CERS6: variants seen among roughly 807,000 people sequenced by gnomAD.
CERS6 encodes LAG1 homolog, ceramide synthase 6.
In CERS6, 26 loss-of-function variants were observed where a neutral mutation model predicts 56.8. That is an observed-to-expected ratio of 0.46 (90% CI 0.34 to 0.63). The LOEUF (loss-of-function observed/expected upper bound fraction) is 0.63. Ranked by LOEUF, CERS6 falls within the 30% of genes least tolerant of loss-of-function variation. CERS6 has a pLI of 0.01. For missense variants in CERS6, 415 were observed against 467.5 expected (o/e 0.89, Z 1.04); for synonymous variants, 164 against 173.3 (o/e 0.95, Z 0.42).
intron 8 of CERS6, among the ~76,000 whole-genome samples, chr2:168,753,239 T>G (rs1279043550): frequency 6.6e-6 from 1 of 152,188 alleles, no homozygotes; most frequent in Non-Finnish European, 1.5e-5. Context: ...TACTGTCAGT[T>G]CTCTGAGTAA....
intron 5 of CERS6, among the ~76,000 whole-genome samples, chr2:168,691,874 C>T (rs1324751316): frequency 2.0e-5 from 3 of 152,174 alleles, no homozygotes; most frequent in Non-Finnish European, 4.4e-5. Context: ...ACATATTAAA[C>T]ATTATAATAA....
At chr2:168,484,103 T>C (rs796132217) in intron 1 of CERS6, among the ~76,000 whole-genome samples, 7 of 151,614 alleles carry the variant, frequency 4.6e-5, no homozygotes, top group Admixed American at 1.3e-4. Context: ...TACATGTCAC[T>C]GAATACAACA....
At chr2:168,749,969 G>T (rs999287537) in intron 8 of CERS6, among the ~76,000 whole-genome samples, 2 of 152,328 alleles carry the variant, frequency 1.3e-5, no homozygotes, top group South Asian at 4.1e-4. Flanking sequence ...ACATTAAGGG[G>T]CAGTTTATGC....
At chr2:168,718,780 G>A (rs951971424) in intron 8 of CERS6, among the ~76,000 whole-genome samples, 4 of 152,194 alleles carry the variant, frequency 2.6e-5, no homozygotes, top group African/African-American at 9.7e-5. Flanking sequence ...CTAACTGTTA[G>A]ATCGTCATGC....
At chr2:168,677,385 A>G (rs150060204) in intron 4 of CERS6, among the ~76,000 whole-genome samples, 47 of 152,252 alleles carry the variant, frequency 3.1e-4, no homozygotes, top group Middle Eastern at 3.4e-3. Flanking sequence ...TCCATGGTCT[A>G]TATGTGCCAC....
chr2:168,466,203 A>G (rs1351704370), intron 1 of CERS6, among the ~76,000 whole-genome samples: 1 of 152,152 alleles, frequency 6.6e-6, no homozygotes, highest in Non-Finnish European at 1.5e-5. Context: ...CCATTTGTTA[A>G]TATGACAACT....
At chr2:168,676,623 C>T (rs1242817969) in intron 4 of CERS6, among the ~76,000 whole-genome samples, 2 of 152,158 alleles carry the variant, frequency 1.3e-5, no homozygotes, top group Admixed American at 1.3e-4. Context: ...GAGAAAATGT[C>T]TACAAGTACT....
intron 8 of CERS6, among the ~76,000 whole-genome samples, chr2:168,736,989 G>A (rs537346752): frequency 1.3e-5 from 2 of 152,310 alleles, no homozygotes; most frequent in South Asian, 2.1e-4. Flanking sequence ...GATTTGTCTA[G>A]AATTTGTGCT....
intron 1 of CERS6, among the ~76,000 whole-genome samples, chr2:168,465,762 A>G (rs1693859403): frequency 6.6e-6 from 1 of 152,152 alleles, no homozygotes; most frequent in South Asian, 2.1e-4. Flanking sequence ...GCAAGATGGA[A>G]AGAGTCCTGC....
In CERS6 at chr2:168,631,003, C is replaced by A; in HGVS notation, c.426C>A (p.Tyr142Ter). ...TCTACAGGTGGAGATTTTCATTTTA[C>A]CTTTATGTATTTACCTACGGAGTCA... ...FCESMWRFSF[Y>*]LYVFTYGVRF... Residue 142 changes from tyrosine to a stop codon, truncating the protein, a stop_gained, in exon 4 of 10, where the codon TAC becomes TAA. Transcript: ENST00000305747. LOFTEE classifies it high-confidence loss of function. 6.6e-7 allele frequency: 1 copy of A among 1,526,490 alleles called. No homozygotes were observed. Among genetic ancestry groups the A allele is most frequent in the Non-Finnish European group, 8.9e-7 (1 of 1,119,694 alleles). The allele number at this position is 1,526,490 out of a possible 1,614,324, so 94.6% of individuals were successfully genotyped here. A position where few individuals can be genotyped will look rare whatever the true frequency, so the allele number is the denominator to read the frequency against.
chr2:168,522,400 A>T (rs1574040761), intron 1 of CERS6, among the ~76,000 whole-genome samples: 1 of 152,206 alleles, frequency 6.6e-6, no homozygotes, highest in African/African-American at 2.4e-5. Context: ...AACATTAAAA[A>T]TTTTTTTCTC....
chr2:168,533,117 A>C (rs1047108031), intron 1 of CERS6, among the ~76,000 whole-genome samples: 3 of 152,226 alleles, frequency 2.0e-5, no homozygotes, highest in African/African-American at 7.2e-5. Flanking sequence ...TACCTACACA[A>C]GTGGAATATT....
chr2:168,548,259 A>G (rs1301200600), intron 2 of CERS6, among the ~76,000 whole-genome samples: 2 of 152,146 alleles, frequency 1.3e-5, no homozygotes, highest in Non-Finnish European at 2.9e-5. Context: ...GGAGAATAAA[A>G]GGGAGGAGAT....
chr2:168,534,698 C>T (rs781317425), intron 1 of CERS6, among the ~76,000 whole-genome samples: 9 of 152,178 alleles, frequency 5.9e-5, no homozygotes, highest in Non-Finnish European at 1.3e-4. Context: ...GACGGTCTCA[C>T]CCTGTTGGGT....
chr2:168,547,542 C>A, intron 1 of CERS6, 54 bp from the exon 2 acceptor site: 2 of 962,946 alleles, frequency 2.1e-6, no homozygotes. Flanking sequence ...CATTAAGAAT[C>A]ACATAGAAAG....
At chr2:168,458,989 A>G (rs1693729265) in intron 1 of CERS6, among the ~76,000 whole-genome samples, 2 of 152,258 alleles carry the variant, frequency 1.3e-5, no homozygotes, top group Admixed American at 6.5e-5. Flanking sequence ...TATCACTGCT[A>G]CAACTCACAT....
chr2:168,589,231 T>G (rs1683617078), intron 3 of CERS6, among the ~76,000 whole-genome samples: 1 of 152,236 alleles, frequency 6.6e-6, no homozygotes, highest in African/African-American at 2.4e-5. Context: ...CCTTCCTTCC[T>G]TCCTTCTCTC....
intron 3 of CERS6, among the ~76,000 whole-genome samples, chr2:168,578,969 T>C (rs763397843): frequency 6.6e-6 from 1 of 152,116 alleles, no homozygotes; most frequent in Non-Finnish European, 1.5e-5. Context: ...AGTTTTAATC[T>C]GAACAAGAAC....
chr2:168,533,513 GT>G (rs1168803154), intron 1 of CERS6, among the ~76,000 whole-genome samples: 2 of 152,172 alleles, frequency 1.3e-5, no homozygotes, highest in East Asian at 3.8e-4. Flanking sequence ...GGGCATCCTT[GT>G]CTTGTGCCCA....
Sources: gnomAD v4.1 joint callset for allele counts (sites outside exome capture counted in the v4.1 genomes callset) on GRCh38, gnomAD v4.1.1 for gene constraint, MANE v1.5 for transcripts, NCBI Gene and HGNC (gene_info 2026-07-23, HGNC 2026-07-21) for gene names.